ASAP2: variants seen among roughly 807,000 people sequenced by gnomAD.
ASAP2 encodes the protein ArfGAP with SH3 domain, ankyrin repeat and PH domain 2.
Under a neutral mutation model 131.4 loss-of-function variants are expected in ASAP2, and 45 were observed. The observed-to-expected ratio is 0.34, with a 90% CI of 0.27 to 0.44. The LOEUF (loss-of-function observed/expected upper bound fraction) is 0.44, where lower values mean the gene tolerates loss of function less well. ASAP2 is among the 20% of genes least tolerant of loss of function. The pLI is 1.00. For missense variants in ASAP2, 1,011 were observed against 1,297.0 expected (o/e 0.78, Z 3.39); for synonymous variants, 510 against 503.0 (o/e 1.01, Z -0.19).
At chr2:9,252,559 G>A (rs1362534172) in intron 1 of ASAP2, among the ~76,000 whole-genome samples, 1 of 150,972 alleles carries the variant, frequency 6.6e-6, no homozygotes, top group Non-Finnish European at 1.5e-5. Context: ...GGGCGACAAA[G>A]TGAGACCCTA....
In ASAP2 at chr2:9,400,847, CT is replaced by C; in HGVS notation, c.2823+20del. 3 of 1,608,086 alleles carry C rather than the reference CT, an allele frequency of 1.9e-6. No individual in the cohort carries two copies. The highest frequency in any genetic ancestry group is 1.7e-4 in the Middle Eastern group (1 of 5,992). On this transcript the variant is annotated intron_variant, in intron 26 of 27. Transcript: ENST00000281419. ...TCGCAGGCAGTAAGTGACGAGCCCC[CT>C]TTCCTGCCTCTCTGCTCTAGCCAGG...
intron 1 of ASAP2, among the ~76,000 whole-genome samples, chr2:9,274,080 T>C (rs1327002350): frequency 1.3e-5 from 2 of 152,240 alleles, no homozygotes; most frequent in Non-Finnish European, 2.9e-5. Context: ...TCTCTTTCAC[T>C]GTAATAATTA....
At chr2:9,280,235 C>T (rs77577589) in intron 2 of ASAP2, among the ~76,000 whole-genome samples, 4,618 of 152,166 alleles carry the variant, frequency 0.03, 212 homozygotes, top group African/African-American at 0.1. Flanking sequence ...CCCTCACCCT[C>T]GTGGTGTCTT....
At position 9,377,058 on chromosome 2, in the gene ASAP2, A is replaced by G. The variant is rs1169527253; in HGVS notation, c.1832+65A>G. 2.2e-6 allele frequency: 3 copies of G among 1,388,764 alleles called. No homozygotes were observed. The African/African-American group carries it at 4.3e-5, about 20-fold the overall frequency. 86.0% of individuals were successfully genotyped at this position (1,388,764 alleles called of 1,614,324 possible). A position where few individuals can be genotyped will look rare whatever the true frequency, so the allele number is the denominator to read the frequency against. On this transcript the variant is annotated intron_variant, in intron 18 of 27. Transcript: ENST00000281419. ...TTGGTATTTCTGGGGAAGGAATCGGACGCTGCCTCATCGCTTCTGATGTGT... is the reference window on the plus strand; with the variant it reads ...TTGGTATTTCTGGGGAAGGAATCGGGCGCTGCCTCATCGCTTCTGATGTGT...
At chr2:9,302,122 C>CTTTTTTT (rs60869426) in intron 3 of ASAP2, among the ~76,000 whole-genome samples, 1 of 103,396 alleles carries the variant, frequency 9.7e-6, no homozygotes, top group Non-Finnish European at 1.9e-5. Flanking sequence ...CGCGCCCGGC[C>CTTTTTTT]TTTTTTTTTT....
intron 3 of ASAP2, among the ~76,000 whole-genome samples, chr2:9,316,749 T>C (rs1212887305): frequency 3.9e-5 from 6 of 152,140 alleles, no homozygotes; most frequent in Non-Finnish European, 8.8e-5. Flanking sequence ...TGCTTGCTCC[T>C]CGTGTACCTG....
chr2:9,348,103 G>A (rs577152806), intron 11 of ASAP2, among the ~76,000 whole-genome samples: 8 of 151,818 alleles, frequency 5.3e-5, no homozygotes, highest in African/African-American at 1.7e-4. Context: ...ATTAACTGAT[G>A]ACACTTTTTT....
chr2:9,301,709 G>A (rs1668486263), intron 3 of ASAP2, among the ~76,000 whole-genome samples: 1 of 152,176 alleles, frequency 6.6e-6, no homozygotes, highest in Non-Finnish European at 1.5e-5. Context: ...GCTGAGGAGA[G>A]GACAGAGTTG....
chr2:9,366,168 G>C (rs1428782804), intron 15 of ASAP2, among the ~76,000 whole-genome samples: 1 of 152,082 alleles, frequency 6.6e-6, no homozygotes, highest in African/African-American at 2.4e-5. Flanking sequence ...ACTGGAACTT[G>C]GCAGAACTGC....
intron 1 of ASAP2, among the ~76,000 whole-genome samples, chr2:9,239,470 G>A (rs1268470357): frequency 6.6e-6 from 1 of 152,096 alleles, no homozygotes; most frequent in Non-Finnish European, 1.5e-5. Flanking sequence ...GAGGGGTGGT[G>A]GTGGGGGGAG....
chr2:9,359,191 T>C (rs568840567), intron 15 of ASAP2, among the ~76,000 whole-genome samples: 1 of 152,308 alleles, frequency 6.6e-6, no homozygotes, highest in East Asian at 1.9e-4. Context: ...GCTCACCCCA[T>C]CCATTAGACA....
chr2:9,362,248 G>A (rs945876005), intron 15 of ASAP2, among the ~76,000 whole-genome samples: 1 of 152,248 alleles, frequency 6.6e-6, no homozygotes, highest in South Asian at 2.1e-4. Context: ...ATTGTATAGT[G>A]AGTGTTCATT....
At chr2:9,314,653 G>T (rs1669523231) in intron 3 of ASAP2, among the ~76,000 whole-genome samples, 1 of 152,180 alleles carries the variant, frequency 6.6e-6, no homozygotes, top group Non-Finnish European at 1.5e-5. Context: ...TAGAAAAGGG[G>T]CTGGGTGTAG....
intron 1 of ASAP2, among the ~76,000 whole-genome samples, chr2:9,267,870 C>A (rs1256330386): frequency 7.2e-6 from 1 of 138,212 alleles, no homozygotes; most frequent in Non-Finnish European, 1.5e-5. Flanking sequence ...TGTACTCCAG[C>A]CTGAGCAACA....
At position 9,389,283 on chromosome 2, in the gene ASAP2, G is replaced by A. The variant is rs1675536530; in HGVS notation, c.2383+737G>A. Reference sequence around the variant, plus strand: ...GCTCCAGTCGTGGCCATGGCCTTCAGAGGGTTTCCCACATGAAGGAGGCTG... The same window carrying A: ...GCTCCAGTCGTGGCCATGGCCTTCAAAGGGTTTCCCACATGAAGGAGGCTG... On this transcript the variant is annotated intron_variant, in intron 22 of 27. Transcript: ENST00000281419. The surrounding 1 kb of genome is among the most constrained non-coding windows in gnomAD (Gnocchi z 4.7). Among the ~76,000 whole-genome samples the A allele has an allele frequency of 1.3e-5, 2 of 152,320 alleles. No homozygotes were observed. The highest frequency in any genetic ancestry group is 4.1e-4 in the South Asian group (2 of 4,828).
chr2:9,383,535 A>T (rs1675032535), intron 20 of ASAP2, among the ~76,000 whole-genome samples: 1 of 152,164 alleles, frequency 6.6e-6, no homozygotes, highest in African/African-American at 2.4e-5. Flanking sequence ...CTGGGATTAC[A>T]GGTGTGAGCC....
chr2:9,295,096 T>G (rs952171935), intron 2 of ASAP2, among the ~76,000 whole-genome samples: 1 of 152,200 alleles, frequency 6.6e-6, no homozygotes, highest in Non-Finnish European at 1.5e-5. Flanking sequence ...ATAAATAGAG[T>G]AAAACAGAAG....
At chr2:9,218,694 A>C (rs532949074) in intron 1 of ASAP2, among the ~76,000 whole-genome samples, 2 of 152,298 alleles carry the variant, frequency 1.3e-5, no homozygotes, top group South Asian at 4.1e-4. Context: ...CATTTGTAAC[A>C]TGGAGGGTTG....
At chr2:9,266,904 A>G (rs1475200232) in intron 1 of ASAP2, among the ~76,000 whole-genome samples, 1 of 152,150 alleles carries the variant, frequency 6.6e-6, no homozygotes, top group East Asian at 1.9e-4. Context: ...CTTCTCTCTG[A>G]TGGTTTAGAA....
Sources: allele counts gnomAD v4.1 joint callset (sites outside exome capture counted in the v4.1 genomes callset), GRCh38; gene constraint gnomAD v4.1.1; non-coding constraint Gnocchi (gnomAD v3.1); transcripts MANE v1.5; gene names NCBI Gene and HGNC (gene_info 2026-07-23, HGNC 2026-07-21).